The following ZCCHC7 variants were observed in gnomAD, a reference collection of about 807,000 sequenced individuals.
The protein encoded by ZCCHC7 is zinc finger CCHC domain-containing protein 7.
A neutral mutation model predicts 52.0 loss-of-function variants in ZCCHC7; 35 were observed. That is an observed-to-expected ratio of 0.67 (90% CI 0.51 to 0.89). The LOEUF (loss-of-function observed/expected upper bound fraction) is 0.89. Among genes scored for constraint, ZCCHC7 ranks in the 40% least tolerant of loss-of-function variants. The pLI, the probability that ZCCHC7 is intolerant of heterozygous loss-of-function variation, is 0.00. For synonymous variants in ZCCHC7, 217 were observed against 221.5 expected (o/e 0.98, Z 0.18); for missense variants, 574 against 649.1 (o/e 0.88, Z 1.26).
At position 37,256,528 on chromosome 9, in the gene ZCCHC7, GT is replaced by G. The variant is rs944791224; in HGVS notation, c.611-45653del. ...TATATGTTATTTCTACATGCCTGTA[GT>G]TTTTTTAAAAAGCTAGTTAGTTTCA... is the stretch of plus-strand genomic sequence containing the variant. On this transcript the variant is annotated intron_variant, in intron 2 of 8. Transcript: ENST00000336755. Among the ~76,000 whole-genome samples, 11 of 152,212 alleles carry G rather than the reference GT, an allele frequency of 7.2e-5. No homozygotes were observed. In the East Asian group the frequency reaches 1.2e-3, roughly 16 times the overall value.
chr9:37,349,463 G>A lies in ZCCHC7; in HGVS notation c.1083+11G>A. 6.2e-7 allele frequency: 1 copy of A among 1,612,710 alleles called. No homozygotes were observed. The highest frequency in any genetic ancestry group is 8.5e-7 in the Non-Finnish European group (1 of 1,179,054). On this transcript the variant is annotated intron_variant, in intron 7 of 8. Coordinates refer to ENST00000336755, the MANE Select transcript of ZCCHC7 (RefSeq NM_032226.3). ...GGCCATTATGGACACGTAAGTTTGA[G>A]TGACATTTGGGCATGAAGCATTCTG...
At chr9:37,231,449 G>A (rs766865307) in intron 2 of ZCCHC7, among the ~76,000 whole-genome samples, 3 of 151,920 alleles carry the variant, frequency 2.0e-5, no homozygotes, top group Non-Finnish European at 4.4e-5. Context: ...TGTTGCTATC[G>A]AGATCTGATA....
In ZCCHC7 at chr9:37,354,288, C is replaced by T. The variant is rs1821563072; in HGVS notation, c.1084-422C>T. 6.6e-6 allele frequency among the ~76,000 whole-genome samples: 1 copy of T among 152,042 alleles called. No individual in the cohort carries two copies. Among genetic ancestry groups the T allele is most frequent in the Non-Finnish European group, 1.5e-5 (1 of 68,018 alleles). On this transcript the variant is annotated intron_variant, in intron 7 of 8. Coordinates refer to ENST00000336755, the MANE Select transcript of ZCCHC7 (RefSeq NM_032226.3). This position sits in a 1 kb window ranked among gnomAD's most constrained non-coding sequence, Gnocchi z 4.0. ...GATCAAAGGGCTTAGAACTTATACC[C>T]ACATTTTGGGGATAGGAAGAAGAGA...
intron 5 of ZCCHC7, among the ~76,000 whole-genome samples, chr9:37,321,932 G>A (rs973368083): frequency 7.9e-5 from 12 of 152,076 alleles, no homozygotes; most frequent in African/African-American, 1.7e-4. Flanking sequence ...GGATGTCAGC[G>A]CTCAGATTTC....
chr9:37,172,740 C>A (rs1821799895), intron 2 of ZCCHC7, among the ~76,000 whole-genome samples: 1 of 149,968 alleles, frequency 6.7e-6, no homozygotes, highest in African/African-American at 2.5e-5. Flanking sequence ...CGTGGGCATT[C>A]CAGTTGTTAC....
At position 37,263,458 on chromosome 9, in the gene ZCCHC7, C is replaced by G. The variant is rs1046788548; in HGVS notation, c.611-38730C>G. Among the ~76,000 whole-genome samples, 6 of 151,888 alleles carry G rather than the reference C, an allele frequency of 4.0e-5. No homozygotes were observed. The East Asian group carries it at 7.7e-4, about 20-fold the overall frequency. On this transcript the variant is annotated intron_variant, in intron 2 of 8. Transcript: ENST00000336755. ...ACTAGTTGCTATTTCTATTAAGATTCCTAGAAAACTTTTTATGACATGTTG... is the reference window on the plus strand; with the variant it reads ...ACTAGTTGCTATTTCTATTAAGATTGCTAGAAAACTTTTTATGACATGTTG...
rs546944543 is a variant in ZCCHC7, at chr9:37,178,306, C to T, written c.610+51364C>T. ...TTAAGAATACAACAGTAACATTATT[C>T]GCCTTTGTAACTTAAAACACATCCC... On this transcript the variant is annotated intron_variant, in intron 2 of 8. Transcript: ENST00000336755. 1.7e-3 allele frequency among the ~76,000 whole-genome samples: 253 copies of T among 151,568 alleles called. 2 individuals carry two copies. The highest frequency in any genetic ancestry group is 5.8e-3 in the African/African-American group (241 of 41,302).
At chr9:37,220,864 C>A (rs1824774346) in intron 2 of ZCCHC7, among the ~76,000 whole-genome samples, 1 of 152,084 alleles carries the variant, frequency 6.6e-6, no homozygotes, top group Non-Finnish European at 1.5e-5. Context: ...AGTGATAAAG[C>A]TCAAAAGTAA....
intron 6 of ZCCHC7, among the ~76,000 whole-genome samples, chr9:37,340,771 G>A (rs1820587504): frequency 6.6e-6 from 1 of 152,142 alleles, no homozygotes; most frequent in African/African-American, 2.4e-5. Flanking sequence ...TTTCAGTAGT[G>A]TATTCTAATA....
chr9:37,160,399 C>T (rs565859647), intron 2 of ZCCHC7, among the ~76,000 whole-genome samples: 2 of 152,306 alleles, frequency 1.3e-5, no homozygotes, highest in South Asian at 4.1e-4. Context: ...CCTGTATTCC[C>T]AGCTACTTGG....
At chr9:37,202,023 T>A (rs979529915) in intron 2 of ZCCHC7, among the ~76,000 whole-genome samples, 1 of 152,216 alleles carries the variant, frequency 6.6e-6, no homozygotes, top group Non-Finnish European at 1.5e-5. Context: ...GTTTCTTGAA[T>A]CCCATTTTTT....
chr9:37,148,439 CTT>C (rs1419654370), intron 2 of ZCCHC7, among the ~76,000 whole-genome samples: 3 of 152,078 alleles, frequency 2.0e-5, no homozygotes, highest in African/African-American at 7.2e-5. Flanking sequence ...GAACAACAGA[CTT>C]TTAAAATTCT....
chr9:37,241,029 T>A (rs1278365895), intron 2 of ZCCHC7, among the ~76,000 whole-genome samples: 1 of 151,828 alleles, frequency 6.6e-6, no homozygotes, highest in Non-Finnish European at 1.5e-5. Flanking sequence ...TTCTGAGATT[T>A]ATCTAGGCCT....
intron 2 of ZCCHC7, among the ~76,000 whole-genome samples, chr9:37,165,660 ATT>A (rs1350782297): frequency 6.6e-6 from 1 of 152,138 alleles, no homozygotes; most frequent in Non-Finnish European, 1.5e-5. Flanking sequence ...ATGCAATATT[ATT>A]TTTTTAACCC....
intron 2 of ZCCHC7, among the ~76,000 whole-genome samples, chr9:37,293,629 C>T (rs1828642320): frequency 6.6e-6 from 1 of 152,242 alleles, no homozygotes; most frequent in African/African-American, 2.4e-5. Context: ...GAAAAAACAA[C>T]TTCCATAATC....
chr9:37,320,990 T>C (rs1051686506), intron 5 of ZCCHC7, among the ~76,000 whole-genome samples: 4 of 144,150 alleles, frequency 2.8e-5, no homozygotes, highest in African/African-American at 1.0e-4. Context: ...CTTTTTTCTT[T>C]TTTTTTTTTT....
chr9:37,257,319 G>C (rs1166081011), intron 2 of ZCCHC7, among the ~76,000 whole-genome samples: 1 of 152,226 alleles, frequency 6.6e-6, no homozygotes, highest in Non-Finnish European at 1.5e-5. Context: ...ATTTAGGCAA[G>C]TGGAAGGCAG....
chr9:37,353,659 G>A (rs1242136066), intron 7 of ZCCHC7, among the ~76,000 whole-genome samples: 1 of 152,004 alleles, frequency 6.6e-6, no homozygotes, highest in African/African-American at 2.4e-5. Flanking sequence ...GTGAATATAG[G>A]TTTTTAATTA....
intron 2 of ZCCHC7, among the ~76,000 whole-genome samples, chr9:37,229,157 ATAATT>A (rs1028292552): frequency 2.6e-5 from 4 of 152,272 alleles, no homozygotes; most frequent in South Asian, 2.1e-4. Context: ...TATTACATTG[ATAATT>A]TAATATTACA....
Sources: allele counts gnomAD v4.1 joint callset (sites outside exome capture counted in the v4.1 genomes callset), GRCh38; gene constraint gnomAD v4.1.1; non-coding constraint Gnocchi (gnomAD v3.1); transcripts MANE v1.5; gene names NCBI Gene and HGNC (gene_info 2026-07-23, HGNC 2026-07-21).